SLC1A7: variants seen among roughly 807,000 people sequenced by gnomAD.
SLC1A7 encodes excitatory amino acid transporter 5.
SLC1A7 carries 40 observed loss-of-function variants against 47.7 expected under a neutral mutation model. The observed-to-expected ratio is 0.84, with a 90% CI of 0.65 to 1.09. The LOEUF is 1.09. Ranked by LOEUF, SLC1A7 falls within the 50% of genes least tolerant of loss-of-function variation. The probability of loss-of-function intolerance (pLI) is 0.00; values close to 1 mark genes in which losing one functional copy is unlikely to be tolerated. For missense variants in SLC1A7, 746 were observed against 769.5 expected, an observed-to-expected ratio of 0.97 and a Z score of 0.36; for synonymous variants, 323 against 325.6, an observed-to-expected ratio of 0.99 and a Z score of 0.09.
At position 53,128,427 on chromosome 1, in the gene SLC1A7, T is replaced by TAATAACCTCGTGAA. The variant is rs1553164768; in HGVS notation, c.215+5922_215+5923insTTCACGAGGTTATT. On this transcript the variant is annotated intron_variant, in intron 2 of 10. Transcript: ENST00000371494. ...TGGAGTTGAAAGTTACAGTGAGCTG[T>TAATAACCTCGTGAA]GGTCATGCCACTGCACTCCAGCCTG... Among the ~76,000 whole-genome samples, 75 of 144,794 alleles carry TAATAACCTCGTGAA rather than the reference T, an allele frequency of 5.2e-4. 2 individuals carry two copies. The highest frequency in any genetic ancestry group is 3.9e-3 in the Middle Eastern group (1 of 258). 95.0% of individuals were successfully genotyped at this position (144,794 alleles called of 152,430 possible).
Position 53,103,583 on chromosome 1 carries a change from C to G in SLC1A7, c.475-15G>C. Reference sequence around the variant, plus strand: ...TTGGTGCGGTACTGGTGGGTGACACCCCACCCAGAGAGAAGTCAGGGCCAA... The same window carrying G: ...TTGGTGCGGTACTGGTGGGTGACACGCCACCCAGAGAGAAGTCAGGGCCAA... On this transcript the variant is annotated splice_polypyrimidine_tract_variant and intron_variant, in intron 4 of 10. Coordinates refer to ENST00000371494, the MANE Select transcript of SLC1A7 (RefSeq NM_006671.6). 1.3e-6 allele frequency: 2 copies of G among 1,522,038 alleles called. No homozygotes were observed. Among genetic ancestry groups the G allele is most frequent in the South Asian group, 2.5e-5 (2 of 79,464 alleles). 94.3% of individuals were successfully genotyped at this position (1,522,038 alleles called of 1,614,324 possible).
chr1:53,108,007 C>T (rs1205122216), intron 3 of SLC1A7: 1 of 152,344 alleles, frequency 6.6e-6, no homozygotes, highest in Non-Finnish European at 1.5e-5. Context: ...TTTCAAATGA[C>T]AGTGCACAAT....
At chr1:53,096,076 C>A (rs1644485440) in intron 5 of SLC1A7, among the ~76,000 whole-genome samples, 1 of 148,340 alleles carries the variant, frequency 6.7e-6, no homozygotes, top group Non-Finnish European at 1.5e-5. Flanking sequence ...TACACTCACA[C>A]TGCCTTGGTA....
At chr1:53,097,149 G>C (rs34127376) in intron 5 of SLC1A7, among the ~76,000 whole-genome samples, 19,527 of 127,984 alleles carry the variant, frequency 0.15, 1,387 homozygotes, top group Middle Eastern at 0.3. Context: ...CGCCTTGGTA[G>C]ACTCACATGC....
At chr1:53,123,072 C>T (rs1644842334) in intron 2 of SLC1A7, among the ~76,000 whole-genome samples, 1 of 152,174 alleles carries the variant, frequency 6.6e-6, no homozygotes, top group Non-Finnish European at 1.5e-5. Flanking sequence ...TGAACTGGAT[C>T]AAAAGCAGAA....
At chr1:53,109,012 C>G (rs1006334733) in intron 3 of SLC1A7, among the ~76,000 whole-genome samples, 1 of 152,114 alleles carries the variant, frequency 6.6e-6, no homozygotes, top group African/African-American at 2.4e-5. Flanking sequence ...GGTCCGTGCT[C>G]CTGGTGGCAG....
intron 1 of SLC1A7, among the ~76,000 whole-genome samples, chr1:53,135,575 C>A (rs1644984165): frequency 6.6e-6 from 1 of 152,202 alleles, no homozygotes; most frequent in Admixed American, 6.5e-5. Context: ...GCCCAATAAG[C>A]TGTCTCGCAA....
At chr1:53,122,981 C>G (rs780470080) in intron 2 of SLC1A7, among the ~76,000 whole-genome samples, 7 of 152,108 alleles carry the variant, frequency 4.6e-5, no homozygotes, top group Non-Finnish European at 1.0e-4. Flanking sequence ...CTGGCATGCC[C>G]TGCTGCCCTC....
intron 3 of SLC1A7, among the ~76,000 whole-genome samples, chr1:53,110,199 G>A (rs1051688553): frequency 6.6e-6 from 1 of 152,170 alleles, no homozygotes; most frequent in Admixed American, 6.5e-5. Flanking sequence ...GAGCTAGACG[G>A]GATCTTGAAA....
chr1:53,106,231 G>A (rs1644638866), intron 3 of SLC1A7, among the ~76,000 whole-genome samples: 1 of 151,994 alleles, frequency 6.6e-6, no homozygotes, highest in South Asian at 2.1e-4. Flanking sequence ...GGTTGTTCAT[G>A]TCCTATCTGT....
chr1:53,089,877 G>A lies in SLC1A7; in HGVS notation c.1284C>T (p.Val428=). ...CGGAGGTGAGCACGATGACCATGGT[G>A]ACGAGGCCGGCCTGGGGGATGCCAG... ...GAAGIPQAGL[V]TMVIVLTSVG... The change falls in exon 9 of 11, where the codon GTC becomes GTT. Residue 428 remains valine (V), a synonymous_variant. Transcript: ENST00000371494. 1 of 1,613,936 alleles carries A rather than the reference G, an allele frequency of 6.2e-7. No individual in the cohort carries two copies. Among genetic ancestry groups the A allele is most frequent in the Non-Finnish European group, 8.5e-7 (1 of 1,180,002 alleles).
At chr1:53,106,413 G>A (rs552493232) in intron 3 of SLC1A7, among the ~76,000 whole-genome samples, 53 of 151,468 alleles carry the variant, frequency 3.5e-4, no homozygotes, top group Non-Finnish European at 6.8e-4. Context: ...GTCGGAGATC[G>A]AGTCCACGGT....
At chr1:53,126,914 G>A (rs1644888525) in intron 2 of SLC1A7, among the ~76,000 whole-genome samples, 1 of 152,024 alleles carries the variant, frequency 6.6e-6, no homozygotes, top group South Asian at 2.1e-4. Flanking sequence ...CCAGGCTGGA[G>A]TGCAATGGCA....
At chr1:53,101,563 AC>A (rs1269827331) in intron 5 of SLC1A7, among the ~76,000 whole-genome samples, 3 of 141,050 alleles carry the variant, frequency 2.1e-5, no homozygotes, top group African/African-American at 8.1e-5. Flanking sequence ...GCCTCGGTAC[AC>A]CCATGCCTAC....
intron 9 of SLC1A7, 70 bp downstream of exon 9, chr1:53,089,730 A>C: frequency 1.3e-6 from 2 of 1,541,344 alleles, no homozygotes; most frequent in Non-Finnish European, 1.8e-6. Context: ...TCAGCCGCTC[A>C]CCCTGATCCC....
chr1:53,138,532 A>ATTTTTTTTTT (rs11402739), intron 1 of SLC1A7, among the ~76,000 whole-genome samples: 1 of 140,090 alleles, frequency 7.1e-6, no homozygotes. Context: ...ATTGACATTA[A>ATTTTTTTTTT]TTTTTTTTTT....
chr1:53,105,920 A>C, intron 3 of SLC1A7, 146 bp from the exon 4 acceptor site: 2 of 693,390 alleles, frequency 2.9e-6, no homozygotes. Context: ...CCACTACATC[A>C]TGGACACTCC....
intron 5 of SLC1A7, 37 bp downstream of exon 5, chr1:53,103,309 G>T (rs1644603995): frequency 4.7e-6 from 7 of 1,495,850 alleles, no homozygotes; most frequent in African/African-American, 1.4e-5. Context: ...TGGGGGCCCG[G>T]CTCCACGGCA....
chr1:53,120,607 A>C (rs1197741478), intron 2 of SLC1A7, among the ~76,000 whole-genome samples: 3 of 152,196 alleles, frequency 2.0e-5, no homozygotes, highest in Non-Finnish European at 2.9e-5. Flanking sequence ...CAATGTCCCC[A>C]ACCCTGGGTC....
Sources: gnomAD v4.1 joint callset for allele counts (sites outside exome capture counted in the v4.1 genomes callset) on GRCh38, gnomAD v4.1.1 for gene constraint, MANE v1.5 for transcripts, NCBI Gene and HGNC (gene_info 2026-07-23, HGNC 2026-07-21) for gene names.